The following PLXNA1 variants were observed in gnomAD, a reference collection of about 807,000 sequenced individuals.
PLXNA1 encodes plexin-A1.
In PLXNA1, 77 loss-of-function variants were observed where a neutral mutation model predicts 191.7. That is an observed-to-expected ratio of 0.40 (90% CI 0.33 to 0.49). The LOEUF (loss-of-function observed/expected upper bound fraction) is 0.49. PLXNA1 is among the 20% of genes least tolerant of loss of function. The probability of loss-of-function intolerance (pLI) is 0.63; values close to 1 mark genes in which losing one functional copy is unlikely to be tolerated. For synonymous variants in PLXNA1, 1,137 were observed against 1,156.4 expected, an observed-to-expected ratio of 0.98 and a Z score of 0.34; for missense variants, 2,110 against 2,660.2, an observed-to-expected ratio of 0.79 and a Z score of 4.55.
chr3:126,983,658 G>T (rs2078942863), intron 1 of PLXNA1, among the ~76,000 whole-genome samples: 1 of 150,396 alleles, frequency 6.6e-6, no homozygotes, highest in African/African-American at 2.4e-5. Context: ...GCTCCGGGGT[G>T]GCGGGGGGCG....
chr3:127,031,316 G>T (rs9834588), intron 29 of PLXNA1, among the ~76,000 whole-genome samples: 5,235 of 152,258 alleles, frequency 0.034, 313 homozygotes, highest in African/African-American at 0.12. Flanking sequence ...CCCCACCATT[G>T]CCTGCTACAG....
intron 3 of PLXNA1, among the ~76,000 whole-genome samples, chr3:126,992,633 G>T (rs1402422763): frequency 6.6e-6 from 1 of 152,060 alleles, no homozygotes; most frequent in East Asian, 1.9e-4. Context: ...TGGGCTGGGG[G>T]CGGGGGGTGC....
chr3:127,018,331 T>C lies in PLXNA1; in HGVS notation c.3698T>C (p.Leu1233Pro). Residue 1233 changes from leucine (L) to proline (P), a missense_variant, in exon 20 of 32, where the codon CTG becomes CCG. This residue lies in a region of PLXNA1 where 644 missense variants were observed against 714.3 expected (regional missense o/e 0.90). Coordinates refer to ENST00000393409, the MANE Select transcript of PLXNA1 (RefSeq NM_032242.4). The part of the protein sequence containing the change: ...AGGFEFSPGT[L>P]QVYSDSLLTL... ...GGCTTCGAGTTCTCGCCAGGGACAC[T>C]GCAGGTGTACTCGGACAGCCTGCTG... The C allele has an allele frequency of 6.2e-7, 1 of 1,612,362 alleles. No homozygotes were observed. The highest frequency in any genetic ancestry group is 1.7e-5 in the Admixed American group (1 of 59,968).
chr3:127,003,546 AG>A, intron 4 of PLXNA1, 76 bp downstream of exon 4: 1 of 1,486,070 alleles, frequency 6.7e-7, no homozygotes, highest in East Asian at 2.4e-5. Context: ...ACAGAGCAGT[AG>A]GGGTGGGGCC....
intron 3 of PLXNA1, among the ~76,000 whole-genome samples, chr3:126,995,295 G>A (rs567035206): frequency 6.6e-6 from 1 of 152,266 alleles, no homozygotes; most frequent in African/African-American, 2.4e-5. Flanking sequence ...CCTGCGCCCT[G>A]CTCCCAGCTC....
rs765538374 is a variant in PLXNA1 at position 127,027,908 on chromosome 3, C to G, written c.4363-32C>G. The stretch of plus-strand genomic sequence containing the variant: ...CAGGTTGGGGGTAGGCCCGGGGGTC[C>G]TGGCTGCAGCCTCATGCCGCCACCC... On this transcript the variant is annotated intron_variant, in intron 23 of 31. Transcript: ENST00000393409. 2.5e-6 allele frequency: 4 copies of G among 1,611,882 alleles called. No homozygotes were observed. The Admixed American group carries it at 6.7e-5, about 27-fold the overall frequency.
rs1001342866 is a variant in PLXNA1, at chr3:127,014,285, C to T, written c.2514C>T (p.Ser838=). Residue 838 remains serine (S), a synonymous_variant, in exon 12 of 32, where the codon TCC becomes TCT. Coordinates refer to ENST00000393409, the MANE Select transcript of PLXNA1 (RefSeq NM_032242.4). The stretch of plus-strand genomic sequence containing the variant: ...GGTGCGTGGCCGAGCGCCGCTGCTC[C>T]CTGCGACACCACTGCGCTGCCGACA... ...CGWCVAERRC[S]LRHHCAADTP... The T allele has an allele frequency of 6.3e-7, 1 of 1,596,098 alleles. No individual in the cohort carries two copies. The highest frequency in any genetic ancestry group is 8.5e-7 in the Non-Finnish European group (1 of 1,174,656).
In PLXNA1 at chr3:126,983,286, G is replaced by T. The variant is rs1403495872; in HGVS notation, c.-75G>T. ...GCGGCGGGGCGCGCCCCGGGGCGGC[G>T]GGTGAGTCGGGGCGCAACTTTCCCC... On this transcript the variant is annotated splice_region_variant and 5_prime_UTR_variant, in exon 1 of 32. Coordinates refer to ENST00000393409, the MANE Select transcript of PLXNA1 (RefSeq NM_032242.4). Among the ~76,000 whole-genome samples, 5 of 144,588 alleles carry T rather than the reference G, an allele frequency of 3.5e-5. No individual in the cohort carries two copies. In the South Asian group the frequency reaches 6.3e-4, roughly 18 times the overall value. 94.9% of individuals were successfully genotyped at this position (144,588 alleles called of 152,430 possible).
At chr3:127,011,155 A>G (rs1489188582) in intron 9 of PLXNA1, among the ~76,000 whole-genome samples, 1 of 152,202 alleles carries the variant, frequency 6.6e-6, no homozygotes, top group African/African-American at 2.4e-5. Flanking sequence ...TGTTCTGGGA[A>G]CACAGAGTTG....
At chr3:127,033,456 G>A (rs926118011) in intron 31 of PLXNA1, among the ~76,000 whole-genome samples, 20 of 152,210 alleles carry the variant, frequency 1.3e-4, no homozygotes, top group African/African-American at 4.8e-4. Flanking sequence ...TCCCCAGGGT[G>A]CCACAGGAGG....
At chr3:127,003,193 G>A in intron 3 of PLXNA1, 137 bp from the exon 4 acceptor site, 1 of 955,992 alleles carries the variant, frequency 1.0e-6, no homozygotes, top group Non-Finnish European at 1.5e-6. Context: ...AGTGAGTATG[G>A]CTGGCGCTGG....
intron 3 of PLXNA1, among the ~76,000 whole-genome samples, chr3:127,001,317 C>T (rs1186842805): frequency 3.9e-5 from 6 of 152,184 alleles, no homozygotes; most frequent in Non-Finnish European, 8.8e-5. Flanking sequence ...GCTCCGGCAT[C>T]ATGTGGCCCT....
Position 127,014,639 on chromosome 3 carries a change from G to C in PLXNA1, c.2756+10G>C, listed in dbSNP as rs756452199. 6.2e-7 allele frequency: 1 copy of C among 1,609,798 alleles called. No individual in the cohort carries two copies. Among genetic ancestry groups the C allele is most frequent in the Non-Finnish European group, 8.5e-7 (1 of 1,177,004 alleles). On this transcript the variant is annotated intron_variant, in intron 13 of 31. Transcript: ENST00000393409. ...ACATCAGTGCGGAGCAGTGAGTGCA[G>C]CCCTGGGTGTGTGCGGGGCGGGACG...
In PLXNA1 at chr3:127,034,944, C is replaced by T. The variant is rs544729642; in HGVS notation, c.*927C>T. 35 of 152,928 alleles carry T rather than the reference C, an allele frequency of 2.3e-4. No homozygotes were observed. The highest frequency in any genetic ancestry group is 7.9e-4 in the African/African-American group (33 of 41,596). 9.5% of individuals were successfully genotyped at this position (152,928 alleles called of 1,614,324 possible). A position where few individuals can be genotyped will look rare whatever the true frequency, so the allele number is the denominator to read the frequency against. On this transcript the variant is annotated 3_prime_UTR_variant, in exon 32 of 32. Transcript: ENST00000393409. ...GCCCCTGAGCACTCCTCTCTCTCCACTCTCTCTGTCCCTGCCCCAGCGGCT... is the reference window on the plus strand; with the variant it reads ...GCCCCTGAGCACTCCTCTCTCTCCATTCTCTCTGTCCCTGCCCCAGCGGCT...
chr3:127,003,384 G>C lies in PLXNA1; in HGVS notation c.1432G>C (p.Val478Leu), dbSNP rs199693063. ...GGRPALAYES[V>L]VAQEGSPILR... ...CCGGCCTGCCCTGGCCTACGAGAGC[G>C]TCGTGGCCCAGGAGGGCAGCCCCAT... Residue 478 changes from valine (V) to leucine (L), a missense_variant, in exon 4 of 32, where the codon GTC (valine) becomes CTC (leucine). This residue lies in a region of PLXNA1 where 903 missense variants were observed against 1,015.7 expected (regional missense o/e 0.89). Transcript: ENST00000393409. 1 of 1,612,030 alleles carries C rather than the reference G, an allele frequency of 6.2e-7. No individual in the cohort carries two copies. The highest frequency in any genetic ancestry group is 8.5e-7 in the Non-Finnish European group (1 of 1,179,400).
Position 127,030,307 on chromosome 3 carries a change from C to T in PLXNA1, c.5126C>T (p.Ser1709Leu), listed in dbSNP as rs2079202565. 3 of 1,613,940 alleles carry T rather than the reference C, an allele frequency of 1.9e-6. No individual in the cohort carries two copies. The highest frequency in any genetic ancestry group is 1.7e-5 in the Admixed American group (1 of 60,028). ...ATCTTCAGCACGGCACACCGGGGCT[C>T]AGCCCTGCCGCTGGCCATCAAGTAC... ...ETIFSTAHRG[S>L]ALPLAIKYMF... The change falls in exon 29 of 32, where the codon TCA becomes TTA. Residue 1709 changes from serine to leucine, a missense_variant. Transcript: ENST00000393409.
rs2079117006 is a variant in PLXNA1, at chr3:127,015,233, G to A, written c.2927G>A (p.Gly976Asp). 1.9e-6 allele frequency: 3 copies of A among 1,613,372 alleles called. No homozygotes were observed. Among genetic ancestry groups the A allele is most frequent in the Admixed American group, 3.3e-5 (2 of 59,962 alleles). Residue 976 changes from glycine (G) to aspartate (D), a missense_variant, in exon 15 of 32, where the codon GGC (glycine) becomes GAC (aspartate). Gly to Asp is a moderately conservative substitution (Grantham distance 94, BLOSUM62 -1). This residue lies in a region of PLXNA1 where 644 missense variants were observed against 714.3 expected (regional missense o/e 0.90). Coordinates refer to ENST00000393409, the MANE Select transcript of PLXNA1 (RefSeq NM_032242.4). ...CCCTCCCGTGGGCCTCTGTCAGGGG[G>A]CACCTGGATTGGCATCGAGGGAAGC... ...VSPSRGPLSG[G>D]TWIGIEGSHL...
intron 1 of PLXNA1, among the ~76,000 whole-genome samples, chr3:126,985,779 C>T (rs2078955702): frequency 6.6e-6 from 1 of 152,260 alleles, no homozygotes; most frequent in Admixed American, 6.5e-5. Context: ...AATTTGGGCC[C>T]TGCCCTGCTG....
chr3:126,986,443 G>A (rs1212887302), intron 1 of PLXNA1, among the ~76,000 whole-genome samples: 2 of 152,248 alleles, frequency 1.3e-5, no homozygotes, highest in African/African-American at 4.8e-5. Flanking sequence ...CCCCACCTGA[G>A]CAGTGGGTGT....
Sources: gnomAD v4.1 joint callset for allele counts (sites outside exome capture counted in the v4.1 genomes callset) on GRCh38, gnomAD v4.1.1 for gene constraint, gnomAD v4.1.1 regional missense constraint, MANE v1.5 for transcripts, NCBI Gene and HGNC (gene_info 2026-07-23, HGNC 2026-07-21) for gene names.